The following SNX25 variants were observed in gnomAD, a reference collection of about 807,000 sequenced individuals.
SNX25 encodes the protein sorting nexin 25, also known as sorting nexin-25.
SNX25 carries 62 observed loss-of-function variants against 113.7 expected under a neutral mutation model. The observed-to-expected ratio is 0.55, with a 90% CI of 0.44 to 0.67. The LOEUF (loss-of-function observed/expected upper bound fraction) is 0.67. Ranked by LOEUF, SNX25 falls within the 30% of genes least tolerant of loss-of-function variation. The pLI is 0.00. For missense variants in SNX25, 1,014 were observed against 1,161.0 expected (o/e 0.87, Z 1.84); for synonymous variants, 421 against 436.2 (o/e 0.97, Z 0.43).
At chr4:185,283,188 G>C (rs764391929) in intron 5 of SNX25, among the ~76,000 whole-genome samples, 3 of 152,202 alleles carry the variant, frequency 2.0e-5, no homozygotes, top group Non-Finnish European at 4.4e-5. Context: ...CCTCACAGGA[G>C]ACCCATGTGA....
chr4:185,214,000 C>G (rs1738363584), intron 1 of SNX25, among the ~76,000 whole-genome samples: 1 of 151,154 alleles, frequency 6.6e-6, no homozygotes, highest in African/African-American at 2.4e-5. Flanking sequence ...GTGGCCTGAC[C>G]GTGATGTAAC....
At chr4:185,362,183 G>T in intron 17 of SNX25, 78 bp downstream of exon 17, 1 of 1,444,592 alleles carries the variant, frequency 6.9e-7, no homozygotes, top group African/African-American at 1.4e-5. Flanking sequence ...TTTCATTTAT[G>T]TCTTGCAGGA....
Position 185,362,591 on chromosome 4 carries a change from A to G in SNX25, c.2834-20A>G. On this transcript the variant is annotated intron_variant, in intron 17 of 18. Transcript: ENST00000652585. ...AGCACTTTATCAATAGCAGCATAGA[A>G]TCTACACTTAATTTTTCAGATATGC... 9 of 1,608,992 alleles carry G rather than the reference A, an allele frequency of 5.6e-6. No homozygotes were observed. The highest frequency in any genetic ancestry group is 7.7e-6 in the Non-Finnish European group (9 of 1,175,382).
chr4:185,305,010 T>C (rs940544849), intron 6 of SNX25, among the ~76,000 whole-genome samples: 8 of 152,150 alleles, frequency 5.3e-5, no homozygotes, highest in African/African-American at 1.9e-4. Context: ...CCTTGTCCTC[T>C]GTTTGCTCTA....
At chr4:185,209,444 G>GC (rs893855290), upstream of SNX25, 1 of 152,240 alleles carries the variant, frequency 6.6e-6, no homozygotes, top group African/African-American at 2.4e-5. This position sits in a 1 kb window ranked among gnomAD's most constrained non-coding sequence, Gnocchi z 5.2. Context: ...GCTGGGTCGC[G>GC]CCCTCTCCCC....
chr4:185,351,111 G>T (rs538335166), intron 13 of SNX25, among the ~76,000 whole-genome samples: 1 of 152,312 alleles, frequency 6.6e-6, no homozygotes, highest in South Asian at 2.1e-4. Context: ...TATTTCAAAA[G>T]TGGTAGCGCC....
At chr4:185,277,954 G>A (rs1272337752) in intron 5 of SNX25, among the ~76,000 whole-genome samples, 1 of 128,070 alleles carries the variant, frequency 7.8e-6, no homozygotes, top group Admixed American at 8.1e-5. Flanking sequence ...GGATGGTCTC[G>A]ATCTCCTGAC....
intron 5 of SNX25, among the ~76,000 whole-genome samples, chr4:185,272,208 G>A (rs1208831042): frequency 1.3e-5 from 2 of 152,198 alleles, no homozygotes; most frequent in Admixed American, 6.5e-5. Context: ...GCAGCTGGAT[G>A]GGTTTCCCAC....
chr4:185,272,413 T>C (rs1749069419), intron 5 of SNX25, among the ~76,000 whole-genome samples: 1 of 152,226 alleles, frequency 6.6e-6, no homozygotes, highest in African/African-American at 2.4e-5. Flanking sequence ...TCAGAACCTC[T>C]TATAAATGCG....
At chr4:185,251,494 T>C (rs1745635807) in intron 2 of SNX25, among the ~76,000 whole-genome samples, 1 of 152,194 alleles carries the variant, frequency 6.6e-6, no homozygotes, top group Admixed American at 6.6e-5. Context: ...ATAGTATTTG[T>C]CTTTTTGTGT....
At chr4:185,231,102 GT>G (rs33972141) in intron 1 of SNX25, among the ~76,000 whole-genome samples, 20,812 of 140,198 alleles carry the variant, frequency 0.15, 1,595 homozygotes, top group African/African-American at 0.21. Context: ...CCTTTTTTTT[GT>G]TTTTTTTTTT....
At chr4:185,309,405 A>T (rs1754929252) in intron 6 of SNX25, among the ~76,000 whole-genome samples, 1 of 152,250 alleles carries the variant, frequency 6.6e-6, no homozygotes, top group Non-Finnish European at 1.5e-5. Flanking sequence ...TGTCAGAGGG[A>T]CATCGTAAAA....
rs191407330 is a variant in SNX25 at position 185,317,693 on chromosome 4, C to T, written c.1345-3040C>T. ...CAGGGACATGGATGAAGCTAGAAAA[C>T]GAAACACCACATGTTTTCACTCATA... On this transcript the variant is annotated intron_variant, in intron 7 of 18. Coordinates refer to ENST00000652585, the MANE Select transcript of SNX25 (RefSeq NM_001378034.2). Among the ~76,000 whole-genome samples the T allele has an allele frequency of 7.2e-5, 11 of 152,110 alleles. No individual in the cohort carries two copies. In the East Asian group the frequency reaches 1.7e-3, roughly 24 times the overall value.
Position 185,310,673 on chromosome 4 carries a change from G to T in SNX25, c.1201G>T (p.Ala401Ser). The change falls in exon 7 of 19, where the codon GCC (alanine) becomes TCC (serine). Residue 401 changes from alanine to serine, a missense_variant. Coordinates refer to ENST00000652585, the MANE Select transcript of SNX25 (RefSeq NM_001378034.2). ...TAAMKADLLR[A>S]RNMKRYINQL... ...GGCAATGAAAGCTGATCTCCTGAGGGCCAGGAACATGAAGAGGTACATCAA... is the reference window on the plus strand; with the variant it reads ...GGCAATGAAAGCTGATCTCCTGAGGTCCAGGAACATGAAGAGGTACATCAA... The T allele has an allele frequency of 6.2e-7, 1 of 1,613,802 alleles. No homozygotes were observed. Among genetic ancestry groups the T allele is most frequent in the Non-Finnish European group, 8.5e-7 (1 of 1,179,902 alleles).
intron 16 of SNX25, among the ~76,000 whole-genome samples, chr4:185,361,513 G>A (rs1356810951): frequency 6.6e-6 from 1 of 152,158 alleles, no homozygotes; most frequent in Admixed American, 6.5e-5. Context: ...TGAGGCGGGT[G>A]GATCACCTGA....
chr4:185,227,173 C>T (rs1741134873), intron 1 of SNX25, among the ~76,000 whole-genome samples: 1 of 152,280 alleles, frequency 6.6e-6, no homozygotes, highest in Non-Finnish European at 1.5e-5. Flanking sequence ...GTTCCCCTCA[C>T]ATCTTACTGG....
chr4:185,244,435 T>C (rs1394874362), intron 1 of SNX25, among the ~76,000 whole-genome samples: 1 of 152,152 alleles, frequency 6.6e-6, no homozygotes, highest in Non-Finnish European at 1.5e-5. Context: ...CTCCATTAAA[T>C]ATTACCCCCA....
chr4:185,313,830 T>C (rs764704557), intron 7 of SNX25, among the ~76,000 whole-genome samples: 16 of 152,182 alleles, frequency 1.1e-4, no homozygotes, highest in Non-Finnish European at 1.6e-4. Context: ...TTACCAATAA[T>C]AGTCAGTTAA....
chr4:185,367,177 G>A, downstream of SNX25: 1 of 1,609,476 alleles, frequency 6.2e-7, no homozygotes, highest in Admixed American at 1.7e-5. Context: ...AATACATTGT[G>A]GTCTAAATTC....
Sources: gnomAD v4.1 joint callset for allele counts (sites outside exome capture counted in the v4.1 genomes callset) on GRCh38, gnomAD v4.1.1 for gene constraint, Gnocchi (gnomAD v3.1) non-coding constraint, MANE v1.5 for transcripts, NCBI Gene and HGNC (gene_info 2026-07-23, HGNC 2026-07-21) for gene names.